ITPR2: variants seen among roughly 807,000 people sequenced by gnomAD.
The protein encoded by ITPR2 is inositol 1,4,5-trisphosphate receptor type 2, also known as inositol 1,4,5-trisphosphate-gated calcium channel ITPR2.
ITPR2 carries 207 observed loss-of-function variants against 317.1 expected under a neutral mutation model. The ratio of observed to expected loss-of-function variants is 0.65; its 90% CI spans 0.58 to 0.73. ITPR2 has a LOEUF of 0.73. Among genes scored for constraint, ITPR2 ranks in the 30% least tolerant of loss-of-function variants. The pLI, the probability that ITPR2 is intolerant of heterozygous loss-of-function variation, is 0.00. For missense variants in ITPR2, 2,613 were observed against 3,284.0 expected (o/e 0.80, Z 4.99); for synonymous variants, 1,156 against 1,149.1 (o/e 1.01, Z -0.12).
intron 46 of ITPR2, among the ~76,000 whole-genome samples, chr12:26,443,154 A>G (rs572590016): frequency 6.6e-6 from 1 of 152,190 alleles, no homozygotes; most frequent in Admixed American, 6.6e-5. Context: ...TGTTTACTCC[A>G]CTTGTGAATT....
At chr12:26,474,099 T>C (rs1057000389) in intron 45 of ITPR2, among the ~76,000 whole-genome samples, 1 of 152,250 alleles carries the variant, frequency 6.6e-6, no homozygotes, top group Non-Finnish European at 1.5e-5. Flanking sequence ...AGTTCACATA[T>C]ATTAGACAGT....
chr12:26,475,923 T>C (rs1942407386), intron 44 of ITPR2, among the ~76,000 whole-genome samples: 1 of 152,048 alleles, frequency 6.6e-6, no homozygotes. Flanking sequence ...AAGCAAGAGG[T>C]GGAGGGTGGG....
At position 26,791,753 on chromosome 12, in the gene ITPR2, C is replaced by T. The variant is rs137953841; in HGVS notation, c.93-1526G>A. On this transcript the variant is annotated intron_variant, in intron 1 of 56. Coordinates refer to ENST00000381340, the MANE Select transcript of ITPR2 (RefSeq NM_002223.4). ...GTCAAGAGAAAGCAAACCCAAACTT[C>T]CACAATGTCCAACTTCAGCCTGTAA... is the stretch of plus-strand genomic sequence containing the variant. Among the ~76,000 whole-genome samples the T allele has an allele frequency of 2.6e-5, 4 of 152,220 alleles. No individual in the cohort carries two copies. The East Asian group carries it at 7.7e-4, about 29-fold the overall frequency.
At chr12:26,660,411 C>T (rs1413574698) in intron 15 of ITPR2, among the ~76,000 whole-genome samples, 1 of 152,198 alleles carries the variant, frequency 6.6e-6, no homozygotes, top group Admixed American at 6.5e-5. Context: ...CTCACACTGC[C>T]ATGGGACTGG....
At chr12:26,705,011 A>G (rs1392409440) in intron 9 of ITPR2, among the ~76,000 whole-genome samples, 1 of 152,230 alleles carries the variant, frequency 6.6e-6, no homozygotes, top group Admixed American at 6.5e-5. Flanking sequence ...GGTCATGGGA[A>G]AAAAGGTTAA....
At chr12:26,805,794 C>T (rs573190741) in intron 1 of ITPR2, among the ~76,000 whole-genome samples, 1 of 110,780 alleles carries the variant, frequency 9.0e-6, no homozygotes, top group African/African-American at 3.3e-5. Flanking sequence ...CTGGCAGGAG[C>T]CAGGAAGGAG....
chr12:26,422,415 T>C (rs1463870887), intron 49 of ITPR2, among the ~76,000 whole-genome samples: 4 of 152,076 alleles, frequency 2.6e-5, no homozygotes, highest in Admixed American at 2.6e-4. Context: ...TGATCTGTCT[T>C]TGCAGGACAT....
At chr12:26,543,357 G>T (rs550522193) in intron 37 of ITPR2, among the ~76,000 whole-genome samples, 1 of 152,234 alleles carries the variant, frequency 6.6e-6, no homozygotes, top group East Asian at 1.9e-4. Context: ...ATCAGATATT[G>T]TGTGTGTTTG....
intron 2 of ITPR2, among the ~76,000 whole-genome samples, chr12:26,752,110 C>T (rs917140984): frequency 1.3e-5 from 2 of 152,102 alleles, no homozygotes; most frequent in African/African-American, 2.4e-5. Context: ...ATTTTAACAG[C>T]CCTCTTTGTT....
At chr12:26,724,800 T>C (rs1948892871) in intron 3 of ITPR2, 58 bp from the exon 4 acceptor site, 1 of 1,266,988 alleles carries the variant, frequency 7.9e-7, no homozygotes, top group South Asian at 1.3e-5. Context: ...GTGTAATAAC[T>C]GACAAAGAAA....
chr12:26,389,010 C>T (rs1185441852), intron 54 of ITPR2, among the ~76,000 whole-genome samples: 3 of 152,216 alleles, frequency 2.0e-5, no homozygotes, highest in African/African-American at 7.2e-5. Context: ...TGTTGAAATG[C>T]TTTTGGCTCT....
At chr12:26,540,695 G>A (rs558686969) in intron 37 of ITPR2, among the ~76,000 whole-genome samples, 2 of 152,224 alleles carry the variant, frequency 1.3e-5, no homozygotes, top group South Asian at 2.1e-4. Context: ...TAAATGTGAG[G>A]CACAGTTAAG....
At chr12:26,366,507 C>G (rs183072376) in intron 55 of ITPR2, among the ~76,000 whole-genome samples, 13 of 152,228 alleles carry the variant, frequency 8.5e-5, no homozygotes, top group African/African-American at 3.1e-4. Context: ...GTTGAAATAA[C>G]TCAAATACAA....
Position 26,578,698 on chromosome 12 carries a change from C to G in ITPR2, c.4630+15G>C, listed in dbSNP as rs747749866. ...AAGAAATGTAAAAATAAGTAAAACT[C>G]AAACTATGACTTACCCACTTCAGCC... On this transcript the variant is annotated intron_variant, in intron 34 of 56. Transcript: ENST00000381340. The G allele has an allele frequency of 2.2e-5, 34 of 1,573,610 alleles. No homozygotes were observed. Among genetic ancestry groups the G allele is most frequent in the Non-Finnish European group, 2.9e-5 (33 of 1,152,216 alleles).
intron 49 of ITPR2, among the ~76,000 whole-genome samples, chr12:26,425,358 GA>G (rs1313398036): frequency 2.0e-5 from 3 of 152,138 alleles, no homozygotes; most frequent in East Asian, 3.9e-4. Context: ...AATTAAAGTT[GA>G]TTTTTTTTTG....
intron 10 of ITPR2, among the ~76,000 whole-genome samples, chr12:26,689,331 C>T (rs1291191847): frequency 2.0e-5 from 3 of 152,050 alleles, no homozygotes; most frequent in Admixed American, 1.3e-4. Flanking sequence ...GTGGGAGGAT[C>T]ACCTGAGCCC....
intron 32 of ITPR2, among the ~76,000 whole-genome samples, chr12:26,589,656 G>A (rs1431825889): frequency 1.7e-5 from 2 of 118,776 alleles, no homozygotes; most frequent in African/African-American, 3.4e-5. Context: ...GCGTGGTGGC[G>A]GGGGCCTATA....
At chr12:26,715,234 C>A in intron 8 of ITPR2, 65 bp downstream of exon 8, 1 of 1,389,922 alleles carries the variant, frequency 7.2e-7, no homozygotes, top group Non-Finnish European at 1.0e-6. Context: ...AATAAAACAA[C>A]AAGCCCAGTG....
chr12:26,437,341 T>C (rs1941379737), intron 47 of ITPR2, among the ~76,000 whole-genome samples: 1 of 152,236 alleles, frequency 6.6e-6, no homozygotes, highest in Non-Finnish European at 1.5e-5. Context: ...CTAGTGCCTA[T>C]TGCCTACTTA....
Sources: allele counts gnomAD v4.1 joint callset (sites outside exome capture counted in the v4.1 genomes callset), GRCh38; gene constraint gnomAD v4.1.1; transcripts MANE v1.5; gene names NCBI Gene and HGNC (gene_info 2026-07-23, HGNC 2026-07-21).